Variants in DNAH12 observed in about 807,000 individuals in gnomAD.
The protein encoded by DNAH12 is axonemal beta dynein heavy chain 12.
Under a neutral mutation model 371.5 loss-of-function variants are expected in DNAH12, and 285 were observed. The ratio of observed to expected loss-of-function variants is 0.77; its 90% confidence interval spans 0.70 to 0.85. The LOEUF is 0.85. Ranked by LOEUF, DNAH12 falls within the 40% of genes least tolerant of loss-of-function variation. The pLI is 0.00. For missense variants in DNAH12, 3,611 were observed against 3,689.4 expected (o/e 0.98, Z 0.55); for synonymous variants, 1,200 against 1,213.0 (o/e 0.99, Z 0.22).
At position 57,446,082 on chromosome 3, in the gene DNAH12, A is replaced by T; in HGVS notation, c.4128T>A (p.Ile1376=). 6.4e-7 allele frequency: 1 copy of T among 1,551,680 alleles called. No individual in the cohort carries two copies. Among genetic ancestry groups the T allele is most frequent in the Non-Finnish European group, 8.7e-7 (1 of 1,146,996 alleles). The part of the protein sequence containing the change: ...LKLNPNCFVA[I]TMNPGYAGRS... The stretch of plus-strand genomic sequence containing the variant: ...GTCCTGCATAGCCAGGATTCATGGT[A>T]ATAGCTACAAAACAATTCGGATTGA... Residue 1376 remains isoleucine, a synonymous_variant, in exon 27 of 74, where the codon ATT becomes ATA. Coordinates refer to ENST00000495027, the MANE Select transcript of DNAH12 (RefSeq NM_001366028.2).
At chr3:57,297,463 C>A (rs1325248532) in intron 70 of DNAH12, among the ~76,000 whole-genome samples, 1 of 151,324 alleles carries the variant, frequency 6.6e-6, no homozygotes. Context: ...TCGAGTGATT[C>A]TCCTGTCTCA....
At chr3:57,309,103 T>C in intron 69 of DNAH12, 48 bp downstream of exon 69, 3 of 1,360,650 alleles carry the variant, frequency 2.2e-6, no homozygotes, top group Non-Finnish European at 3.0e-6. Context: ...TTCTTATTAA[T>C]ATAAGAAGAC....
chr3:57,373,174 TG>T (rs1485289644), intron 55 of DNAH12, among the ~76,000 whole-genome samples: 1 of 152,214 alleles, frequency 6.6e-6, no homozygotes, highest in Admixed American at 6.5e-5. Context: ...TCAATACTCA[TG>T]TTTGTTACTC....
At chr3:57,305,295 C>A (rs966017461) in intron 69 of DNAH12, among the ~76,000 whole-genome samples, 1 of 151,998 alleles carries the variant, frequency 6.6e-6, no homozygotes, top group African/African-American at 2.4e-5. Context: ...GTCGCTGAGT[C>A]TTTCTAATCT....
At chr3:57,374,037 AAAAG>A (rs1309443202) in intron 55 of DNAH12, among the ~76,000 whole-genome samples, 6 of 152,350 alleles carry the variant, frequency 3.9e-5, no homozygotes, top group African/African-American at 1.4e-4. Flanking sequence ...TATCTCATCT[AAAAG>A]AAGAGTGAAA....
the DNAH12 span, among the ~76,000 whole-genome samples, chr3:57,553,607 CCCAAAG>C: frequency 1.3e-5 from 2 of 152,134 alleles, no homozygotes; most frequent in African/African-American, 4.8e-5. Context: ...AATCCAGAGG[CCCAAAG>C]CCAAAGACAA....
intron 2 of DNAH12, among the ~76,000 whole-genome samples, chr3:57,538,631 T>TA (rs1297100726): frequency 1.3e-5 from 2 of 152,224 alleles, no homozygotes. Flanking sequence ...CAGTTATACT[T>TA]ACACTACCTG....
intron 53 of DNAH12, 71 bp from the exon 54 acceptor site, chr3:57,376,036 G>C (rs2063273880): frequency 6.6e-6 from 1 of 152,088 alleles, no homozygotes; most frequent in Admixed American, 6.6e-5. Flanking sequence ...TAAAGGGCAA[G>C]GGTTTCCAGT....
At chr3:57,546,658 G>A (rs1353542592), upstream of DNAH12, among the ~76,000 whole-genome samples, 2 of 151,794 alleles carry the variant, frequency 1.3e-5, no homozygotes, top group African/African-American at 2.4e-5. Flanking sequence ...TGTCAATTTG[G>A]TTAGGCTAAA....
rs933185805 is a variant in DNAH12 at position 57,334,756 on chromosome 3, A to G, written c.9833+26T>C. 11 of 1,532,664 alleles carry G rather than the reference A, an allele frequency of 7.2e-6. No homozygotes were observed. In the African/African-American group the frequency reaches 1.3e-4, roughly 17 times the overall value. The allele number at this position is 1,532,664 out of a possible 1,614,324, so 94.9% of individuals were successfully genotyped here. ...CAAGTTTACATATTGCCATTCAATG[A>G]TAAATCATCGAATTTAAACAATCAC... On this transcript the variant is annotated intron_variant, in intron 61 of 73. Transcript: ENST00000495027.
chr3:57,370,461 A>G (rs2063146818), intron 55 of DNAH12, among the ~76,000 whole-genome samples: 1 of 152,220 alleles, frequency 6.6e-6, no homozygotes, highest in Admixed American at 6.5e-5. Context: ...TCAAGACAGA[A>G]AGTGAGGAAG....
At chr3:57,403,551 G>A (rs2063934330) in intron 42 of DNAH12, 50 bp from the exon 43 acceptor site, 3 of 1,444,580 alleles carry the variant, frequency 2.1e-6, no homozygotes, top group Admixed American at 2.3e-5. Flanking sequence ...AAATGTAAAT[G>A]TATAGTTACA....
chr3:57,404,103 G>A (rs2063952499), intron 42 of DNAH12, among the ~76,000 whole-genome samples: 1 of 152,142 alleles, frequency 6.6e-6, no homozygotes, highest in Admixed American at 6.6e-5. Context: ...CCCACTTATA[G>A]GAAAATAGCC....
chr3:57,314,508 T>A lies in DNAH12; in HGVS notation c.10648A>T (p.Ile3550Phe). 6.4e-7 allele frequency: 1 copy of A among 1,550,910 alleles called. No homozygotes were observed. The highest frequency in any genetic ancestry group is 8.7e-7 in the Non-Finnish European group (1 of 1,146,812). ...GTTAATTTTACCTGCAGTTGTCGGA[T>A]ACTGATGCGCAAGTCAGATTCATTA... The part of the protein sequence containing the change: ...GFNESDLRIS[I>F]RQLQLFINEY... The change falls in exon 66 of 74, where the codon ATC (isoleucine) becomes TTC (phenylalanine). Residue 3550 changes from isoleucine (I) to phenylalanine (F), a missense_variant. By Grantham distance (21) the Ile-to-Phe change is conservative. Coordinates refer to ENST00000495027, the MANE Select transcript of DNAH12 (RefSeq NM_001366028.2).
intron 36 of DNAH12, among the ~76,000 whole-genome samples, chr3:57,419,995 C>A (rs9875683): frequency 0.28 from 42,216 of 152,058 alleles, 8,210 homozygotes; most frequent in African/African-American, 0.55. Flanking sequence ...AATAATCTAA[C>A]TAAAAATAAA....
chr3:57,471,395 A>G, intron 15 of DNAH12, 77 bp downstream of exon 15: 1 of 1,308,662 alleles, frequency 7.6e-7, no homozygotes, highest in Middle Eastern at 2.0e-4. Flanking sequence ...ATTTTTCTAT[A>G]CTTTTAAATT....
At chr3:57,453,889 A>G (rs532469911) in intron 23 of DNAH12, among the ~76,000 whole-genome samples, 1 of 152,208 alleles carries the variant, frequency 6.6e-6, no homozygotes, top group East Asian at 1.9e-4. Context: ...TGGGAAGATC[A>G]TTTGAGGACA....
chr3:57,499,645 A>AAAAAAAAAAAAAAAT, intron 11 of DNAH12, among the ~76,000 whole-genome samples: 1 of 23,376 alleles, frequency 4.3e-5, no homozygotes, highest in Middle Eastern at 0.015. Context: ...AAAAAAAAAA[A>AAAAAAAAAAAAAAAT]AAATATATAT....
intron 29 of DNAH12, among the ~76,000 whole-genome samples, chr3:57,440,403 C>A (rs994197522): frequency 3.3e-5 from 5 of 152,152 alleles, no homozygotes; most frequent in African/African-American, 1.2e-4. Flanking sequence ...AGGCCACTCT[C>A]CTAAGCAAAT....
Sources: allele counts gnomAD v4.1 joint callset (sites outside exome capture counted in the v4.1 genomes callset), GRCh38; gene constraint gnomAD v4.1.1; transcripts MANE v1.5; gene names NCBI Gene and HGNC (gene_info 2026-07-23, HGNC 2026-07-21).